Variants in PRKN observed in about 807,000 individuals in gnomAD.
PRKN encodes parkin RBR E3 ubiquitin protein ligase.
In PRKN, 56 loss-of-function variants were observed where a neutral mutation model predicts 59.5. The observed-to-expected ratio is 0.94, with a 90% confidence interval of 0.76 to 1.18. PRKN has a LOEUF of 1.18. PRKN is among the 50% of genes most tolerant of loss of function. The pLI is 0.00. For synonymous variants in PRKN, 250 were observed against 222.1 expected, an observed-to-expected ratio of 1.13 and a Z score of -1.12; for missense variants, 657 against 596.4, an observed-to-expected ratio of 1.10 and a Z score of -1.06.
At position 161,473,336 on chromosome 6, in the gene PRKN, A is replaced by T. The variant is rs1481018753; in HGVS notation, c.1083+75518T>A. ...AGAGGGGAGCATTATATATATAGAT[A>T]CCTATATATCCATAAATTTATTTAT... On this transcript the variant is annotated intron_variant, in intron 9 of 11. Coordinates refer to ENST00000366898, the MANE Select transcript of PRKN (RefSeq NM_004562.3). The surrounding 1 kb of genome is among the most constrained non-coding windows in gnomAD (Gnocchi z 4.1). Among the ~76,000 whole-genome samples, 1 of 150,548 alleles carries T rather than the reference A, an allele frequency of 6.6e-6. No homozygotes were observed. Among genetic ancestry groups the T allele is most frequent in the South Asian group, 2.1e-4 (1 of 4,822 alleles).
At chr6:161,476,165 C>T (rs995337096) in intron 9 of PRKN, among the ~76,000 whole-genome samples, 7 of 149,674 alleles carry the variant, frequency 4.7e-5, no homozygotes, top group African/African-American at 9.9e-5. Context: ...CCAACCTGGG[C>T]GACAGAGTGA....
intron 6 of PRKN, among the ~76,000 whole-genome samples, chr6:161,807,605 T>A (rs1791389918): frequency 6.6e-6 from 1 of 152,170 alleles, no homozygotes; most frequent in African/African-American, 2.4e-5. Flanking sequence ...TGGCTTCTGG[T>A]GTTGCCAGCA....
At chr6:162,166,198 A>G (rs898590699) in intron 4 of PRKN, among the ~76,000 whole-genome samples, 8 of 152,114 alleles carry the variant, frequency 5.3e-5, no homozygotes, top group Admixed American at 1.3e-4. Context: ...AGACAAAAAT[A>G]CTTCTCAGCC....
chr6:161,567,694 A>T (rs1347124858), intron 8 of PRKN, among the ~76,000 whole-genome samples: 1 of 152,200 alleles, frequency 6.6e-6, no homozygotes, highest in Non-Finnish European at 1.5e-5. Flanking sequence ...AATTTCTAGG[A>T]GAATGCAAAG....
intron 1 of PRKN, among the ~76,000 whole-genome samples, chr6:162,614,567 A>G (rs1782324256): frequency 6.6e-6 from 1 of 152,228 alleles, no homozygotes; most frequent in Non-Finnish European, 1.5e-5. Context: ...ATGTACATGA[A>G]TTTTTAAAAC....
intron 2 of PRKN, among the ~76,000 whole-genome samples, chr6:162,310,196 C>G (rs1782431332): frequency 6.6e-6 from 1 of 152,172 alleles, no homozygotes; most frequent in African/African-American, 2.4e-5. Flanking sequence ...TTGCCACCAA[C>G]TTAGGATACT....
chr6:161,899,758 C>T (rs937570809), intron 6 of PRKN, among the ~76,000 whole-genome samples: 3 of 152,142 alleles, frequency 2.0e-5, no homozygotes, highest in Admixed American at 6.5e-5. Context: ...GTCTTCAAGG[C>T]GTATTCCCAT....
Position 162,461,189 on chromosome 6 carries a change from A to C in PRKN, c.8-17716T>G, listed in dbSNP as rs543555468. 3.0e-4 allele frequency among the ~76,000 whole-genome samples: 46 copies of C among 151,524 alleles called. No homozygotes were observed. The South Asian group carries it at 4.2e-3, about 14-fold the overall frequency. On this transcript the variant is annotated intron_variant, in intron 1 of 11. Coordinates refer to ENST00000366898, the MANE Select transcript of PRKN (RefSeq NM_004562.3). The stretch of plus-strand genomic sequence containing the variant: ...GGCTTGTGCCATGCGTACCACACCA[A>C]ATGTTTTAAGAATGAAGAGAAAAAA...
intron 1 of PRKN, among the ~76,000 whole-genome samples, chr6:162,700,423 T>C (rs559027884): frequency 2.0e-5 from 3 of 152,286 alleles, no homozygotes; most frequent in Admixed American, 6.5e-5. Flanking sequence ...GTTTATAGTA[T>C]GATACAGGTG....
chr6:161,672,671 G>A (rs1209694170), intron 7 of PRKN, among the ~76,000 whole-genome samples: 1 of 152,190 alleles, frequency 6.6e-6, no homozygotes, highest in Non-Finnish European at 1.5e-5. Context: ...AGCTATTTGG[G>A]AAGGTGAGAC....
At chr6:161,712,228 A>G (rs1286542928) in intron 7 of PRKN, among the ~76,000 whole-genome samples, 1 of 152,198 alleles carries the variant, frequency 6.6e-6, no homozygotes, top group Non-Finnish European at 1.5e-5. Context: ...TGAATTTCAC[A>G]TAACAAGCAG....
chr6:162,668,765 G>A (rs1273051313), intron 1 of PRKN, among the ~76,000 whole-genome samples: 1 of 152,178 alleles, frequency 6.6e-6, no homozygotes, highest in African/African-American at 2.4e-5. Context: ...CTGGTCATGA[G>A]AAGTATCTAA....
At chr6:162,623,420 G>T (rs1011308700) in intron 1 of PRKN, among the ~76,000 whole-genome samples, 1 of 152,098 alleles carries the variant, frequency 6.6e-6, no homozygotes, top group African/African-American at 2.4e-5. Context: ...TTTAAAGTTC[G>T]TTTGAGCTTT....
At chr6:161,351,967 T>A (rs1159613860) in intron 11 of PRKN, among the ~76,000 whole-genome samples, 1 of 152,160 alleles carries the variant, frequency 6.6e-6, no homozygotes, top group Non-Finnish European at 1.5e-5. Flanking sequence ...ATAGACTCCA[T>A]GAGTTTCTGG....
chr6:161,352,193 A>C lies in PRKN; in HGVS notation c.1286-1982T>G, dbSNP rs1015486619. 2.0e-5 allele frequency among the ~76,000 whole-genome samples: 3 copies of C among 152,184 alleles called. No individual in the cohort carries two copies. The highest frequency in any genetic ancestry group is 2.9e-5 in the Non-Finnish European group (2 of 68,040). On this transcript the variant is annotated intron_variant, in intron 11 of 11. Coordinates refer to ENST00000366898, the MANE Select transcript of PRKN (RefSeq NM_004562.3). The surrounding 1 kb of genome is among the most constrained non-coding windows in gnomAD (Gnocchi z 5.8). ...TTGATTTTTCCTGCCAAATTTTCCA[A>C]GTAATTGGTTCGGTGCTGTCTCACT...
rs1018091098 is a variant in PRKN, at chr6:161,719,829, G to A, written c.871+65943C>T. On this transcript the variant is annotated intron_variant, in intron 7 of 11. Coordinates refer to ENST00000366898, the MANE Select transcript of PRKN (RefSeq NM_004562.3). ...AAATATTTTGTAGAGACGGTTTCTC[G>A]CTATGGTGCCCAAGCTGGTCTTGAA... Among the ~76,000 whole-genome samples the A allele has an allele frequency of 3.4e-4, 52 of 152,114 alleles. 1 individual carries two copies. Among genetic ancestry groups the A allele is most frequent in the Admixed American group, 3.2e-3 (49 of 15,280 alleles).
chr6:162,658,658 C>CAAAAAAAAAAAAGAAAAAAAAAAAAA (rs1778752100), intron 1 of PRKN, among the ~76,000 whole-genome samples: 3 of 109,112 alleles, frequency 2.7e-5, no homozygotes, highest in Admixed American at 1.0e-4. Flanking sequence ...GAGACTCTGT[C>CAAAAAAAAAAAAGAAAAAAAAAAAAA]AAAAAAAAAA....
chr6:162,060,614 G>A (rs1250405501), intron 4 of PRKN, among the ~76,000 whole-genome samples: 1 of 152,186 alleles, frequency 6.6e-6, no homozygotes, highest in Non-Finnish European at 1.5e-5. Context: ...ATTGAAGTAT[G>A]TAACTGACTA....
intron 4 of PRKN, among the ~76,000 whole-genome samples, chr6:162,066,829 T>G (rs1562492829): frequency 6.6e-6 from 1 of 152,234 alleles, no homozygotes; most frequent in African/African-American, 2.4e-5. Context: ...ACAGATCACA[T>G]GACATTATCC....
Sources: allele counts gnomAD v4.1 joint callset (sites outside exome capture counted in the v4.1 genomes callset), GRCh38; gene constraint gnomAD v4.1.1; non-coding constraint Gnocchi (gnomAD v3.1); transcripts MANE v1.5; gene names NCBI Gene and HGNC (gene_info 2026-07-23, HGNC 2026-07-21).